The following PCDH7 variants were observed in gnomAD, a reference collection of about 807,000 sequenced individuals.
PCDH7 encodes the protein protocadherin 7.
PCDH7 carries 17 observed loss-of-function variants against 58.9 expected under a neutral mutation model. That is an observed-to-expected ratio of 0.29 (90% CI 0.20 to 0.43). PCDH7 has a LOEUF of 0.43. Ranked by LOEUF, PCDH7 falls within the 20% of genes least tolerant of loss-of-function variation. The probability of loss-of-function intolerance (pLI) is 1.00; values close to 1 mark genes in which losing one functional copy is unlikely to be tolerated. For synonymous variants in PCDH7, 664 were observed against 616.4 expected (o/e 1.08, Z -1.14); for missense variants, 1,274 against 1,441.0 (o/e 0.88, Z 1.88).
chr4:30,946,479 C>T (rs139778504), intron 2 of PCDH7, among the ~76,000 whole-genome samples: 2 of 152,154 alleles, frequency 1.3e-5, no homozygotes, highest in East Asian at 1.9e-4. Flanking sequence ...CACCCACCTC[C>T]CTCCCACCAC....
chr4:31,064,449 T>C (rs1185966019), intron 3 of PCDH7, among the ~76,000 whole-genome samples: 4 of 151,952 alleles, frequency 2.6e-5, no homozygotes, highest in Non-Finnish European at 5.9e-5. Context: ...TCAAGTACCA[T>C]GAATAGGGTG....
At chr4:30,735,128 G>T (rs749923660), downstream of PCDH7, among the ~76,000 whole-genome samples, 1 of 152,106 alleles carries the variant, frequency 6.6e-6, no homozygotes, top group African/African-American at 2.4e-5. Flanking sequence ...GACATTTTGA[G>T]GGGGTATGAA....
intron 1 of PCDH7, among the ~76,000 whole-genome samples, chr4:30,727,578 T>C (rs563508420): frequency 6.6e-6 from 1 of 152,044 alleles, no homozygotes; most frequent in South Asian, 2.1e-4. Context: ...AGCTAAATAA[T>C]GTGTTTAGCT....
intron 1 of PCDH7, among the ~76,000 whole-genome samples, chr4:30,858,000 G>A (rs2109351816): frequency 6.6e-6 from 1 of 152,208 alleles, no homozygotes; most frequent in East Asian, 1.9e-4. Flanking sequence ...ATAAAAATAA[G>A]CAGAAACTAT....
chr4:31,006,442 T>G (rs1276468993), intron 3 of PCDH7, among the ~76,000 whole-genome samples: 2 of 152,182 alleles, frequency 1.3e-5, no homozygotes, highest in African/African-American at 4.8e-5. Flanking sequence ...TAACAAATCT[T>G]AGCTGAGAGG....
At chr4:31,139,592 A>G (rs554787367) in intron 3 of PCDH7, among the ~76,000 whole-genome samples, 35 of 152,346 alleles carry the variant, frequency 2.3e-4, no homozygotes, top group Admixed American at 9.2e-4. Flanking sequence ...TGTTGAAAAA[A>G]TTCATAATAT....
At chr4:31,079,134 A>C (rs1407517308) in intron 3 of PCDH7, among the ~76,000 whole-genome samples, 5 of 151,466 alleles carry the variant, frequency 3.3e-5, no homozygotes, top group Admixed American at 1.3e-4. Context: ...GTATCACCTC[A>C]AGAATGAGGA....
chr4:31,067,042 C>A (rs1758147304), intron 3 of PCDH7, among the ~76,000 whole-genome samples: 1 of 151,948 alleles, frequency 6.6e-6, no homozygotes, highest in Non-Finnish European at 1.5e-5. Context: ...GAGGCCTGGG[C>A]TTTATTCCTT....
intron 1 of PCDH7, among the ~76,000 whole-genome samples, chr4:30,753,588 G>A (rs190516131): frequency 6.6e-6 from 1 of 152,260 alleles, no homozygotes; most frequent in Non-Finnish European, 1.5e-5. Flanking sequence ...TTTGACACAG[G>A]GCTCAAGGTA....
At chr4:31,053,036 T>C (rs1028684423) in intron 3 of PCDH7, among the ~76,000 whole-genome samples, 3 of 152,164 alleles carry the variant, frequency 2.0e-5, no homozygotes, top group East Asian at 1.9e-4. Flanking sequence ...AATGGCTTTT[T>C]TTGAGAAATC....
chr4:31,146,348 C>A, downstream of PCDH7: 1 of 120,110 alleles, frequency 8.3e-6, no homozygotes, highest in Non-Finnish European at 1.7e-5. Context: ...TGTCCTTAAG[C>A]AAAAATAAAT....
At chr4:30,858,778 T>A (rs1733807579) in intron 1 of PCDH7, among the ~76,000 whole-genome samples, 1 of 152,172 alleles carries the variant, frequency 6.6e-6, no homozygotes, top group African/African-American at 2.4e-5. Context: ...TTCATCTTGT[T>A]ATCATGCTGA....
At chr4:30,960,162 G>GAA (rs1748277223) in intron 3 of PCDH7, among the ~76,000 whole-genome samples, 1 of 135,598 alleles carries the variant, frequency 7.4e-6, no homozygotes, top group African/African-American at 2.8e-5. Flanking sequence ...AGGGAGGGAG[G>GAA]GAGGGAGGGA....
chr4:30,996,179 T>G lies in PCDH7; in HGVS notation c.*7+45964T>G, dbSNP rs1453120898. Among the ~76,000 whole-genome samples, 5 of 152,350 alleles carry G rather than the reference T, an allele frequency of 3.3e-5. No homozygotes were observed. The East Asian group carries it at 9.6e-4, about 29-fold the overall frequency. ...TAGACTTTTTCCTTTGTTTCCCTTTTGATACTAATTTTCCTTATCGTCTAA... is the reference window on the plus strand; with the variant it reads ...TAGACTTTTTCCTTTGTTTCCCTTTGGATACTAATTTTCCTTATCGTCTAA... On this transcript the variant is annotated intron_variant, in intron 3 of 3. Coordinates refer to the PCDH7 transcript ENST00000509759.
chr4:30,741,098 C>T (rs1020736407), intron 1 of PCDH7, among the ~76,000 whole-genome samples: 4 of 151,398 alleles, frequency 2.6e-5, no homozygotes, highest in African/African-American at 7.3e-5. Context: ...ACTTTGATAT[C>T]GGTTATATAA....
At chr4:30,812,992 G>A (rs1042079334) in intron 1 of PCDH7, among the ~76,000 whole-genome samples, 4 of 152,096 alleles carry the variant, frequency 2.6e-5, no homozygotes, top group African/African-American at 9.7e-5. Flanking sequence ...CACATCTAGG[G>A]AGATGAGGCA....
chr4:30,941,470 A>G (rs1430027192), intron 2 of PCDH7, among the ~76,000 whole-genome samples: 1 of 151,952 alleles, frequency 6.6e-6, no homozygotes, highest in Non-Finnish European at 1.5e-5. Context: ...AGATTATTAC[A>G]TTTATGTGGC....
chr4:30,858,144 G>C (rs1341301998), intron 1 of PCDH7, among the ~76,000 whole-genome samples: 1 of 152,070 alleles, frequency 6.6e-6, no homozygotes, highest in Non-Finnish European at 1.5e-5. Context: ...CACCAGTAAT[G>C]CTTCAAGTTG....
At chr4:30,906,938 G>A (rs187813064) in intron 1 of PCDH7, among the ~76,000 whole-genome samples, 15 of 152,124 alleles carry the variant, frequency 9.9e-5, no homozygotes, top group East Asian at 3.9e-4. Flanking sequence ...CAGGAGAATC[G>A]TTTGAACCTA....
Sources: allele counts gnomAD v4.1 joint callset (sites outside exome capture counted in the v4.1 genomes callset), GRCh38; gene constraint gnomAD v4.1.1; transcripts MANE v1.5; gene names NCBI Gene and HGNC (gene_info 2026-07-23, HGNC 2026-07-21).